FAT3: variants seen among roughly 807,000 people sequenced by gnomAD.
FAT3 encodes protocadherin Fat 3.
FAT3 carries 95 observed loss-of-function variants against 310.2 expected under a neutral mutation model. The ratio of observed to expected loss-of-function variants is 0.31; its 90% CI spans 0.26 to 0.36. The LOEUF (loss-of-function observed/expected upper bound fraction) is 0.36. FAT3 is among the 10% of genes least tolerant of loss of function. The pLI, the probability that FAT3 is intolerant of heterozygous loss-of-function variation, is 1.00. For synonymous variants in FAT3, 2,314 were observed against 2,192.9 expected (o/e 1.06, Z -1.54); for missense variants, 5,408 against 5,715.6 (o/e 0.95, Z 1.74).
At chr11:92,813,178 T>C (rs1423800150) in intron 13 of FAT3, among the ~76,000 whole-genome samples, 1 of 152,196 alleles carries the variant, frequency 6.6e-6, no homozygotes, top group Non-Finnish European at 1.5e-5. Flanking sequence ...GGTATATCTT[T>C]ATTAGCAGCA....
chr11:92,266,241 T>C (rs1318416722), intron 1 of FAT3, among the ~76,000 whole-genome samples: 3 of 152,170 alleles, frequency 2.0e-5, no homozygotes, highest in Non-Finnish European at 4.4e-5. Context: ...GAGCCATTCA[T>C]ATGGTTTATT....
At chr11:92,526,886 T>C (rs1953885307) in intron 3 of FAT3, among the ~76,000 whole-genome samples, 1 of 152,210 alleles carries the variant, frequency 6.6e-6, no homozygotes, top group Non-Finnish European at 1.5e-5. Flanking sequence ...AGACACATGA[T>C]AAGAAAATAC....
intron 2 of FAT3, among the ~76,000 whole-genome samples, chr11:92,418,419 A>ACCCCCC (rs1208826432): frequency 7.1e-4 from 28 of 39,532 alleles, no homozygotes; most frequent in South Asian, 1.5e-3. Context: ...AAAGTTAAAC[A>ACCCCCC]CCCCCCCCAC....
At chr11:92,822,066 T>C (rs1947982024) in intron 13 of FAT3, among the ~76,000 whole-genome samples, 1 of 152,222 alleles carries the variant, frequency 6.6e-6, no homozygotes, top group Non-Finnish European at 1.5e-5. Flanking sequence ...TAGAAGTTTT[T>C]GCCTTTGACA....
chr11:92,307,884 C>A (rs1330984445), intron 1 of FAT3, among the ~76,000 whole-genome samples: 1 of 152,088 alleles, frequency 6.6e-6, no homozygotes, highest in Non-Finnish European at 1.5e-5. Context: ...CCTTTAGTAC[C>A]ACATGGGAAT....
chr11:92,365,911 G>A (rs1949008056), intron 2 of FAT3, among the ~76,000 whole-genome samples: 1 of 152,134 alleles, frequency 6.6e-6, no homozygotes, highest in Non-Finnish European at 1.5e-5. Context: ...TTAGTGTTTT[G>A]GATTATTTAT....
intron 3 of FAT3, among the ~76,000 whole-genome samples, chr11:92,624,654 G>A (rs963094341): frequency 7.9e-5 from 12 of 152,202 alleles, no homozygotes; most frequent in African/African-American, 2.2e-4. Context: ...GATACAATCA[G>A]TGGGACCATA....
Position 92,230,547 on chromosome 11 carries a change from G to A in FAT3, c.-18+5373G>A, listed in dbSNP as rs540954597. 2.2e-4 allele frequency among the ~76,000 whole-genome samples: 33 copies of A among 152,256 alleles called. 1 individual carries two copies. In the South Asian group the frequency reaches 6.2e-3, roughly 29 times the overall value. ...GGCCTCAAGTGATCCACCCACCTCG[G>A]CCTCCCAAAGTGCTCGGATTAGAGG... On this transcript the variant is annotated intron_variant, in intron 1 of 27. Transcript: ENST00000525166.
At chr11:92,823,352 G>C (rs1468106742) in intron 13 of FAT3, among the ~76,000 whole-genome samples, 1 of 152,150 alleles carries the variant, frequency 6.6e-6, no homozygotes, top group Non-Finnish European at 1.5e-5. Flanking sequence ...CCAAGCCATA[G>C]ATAGTTGAAA....
chr11:92,887,083 T>A lies in FAT3; in HGVS notation c.13021T>A (p.Ser4341Thr), dbSNP rs758687629. The change falls in exon 25 of 28, where the codon TCC becomes ACC. Residue 4341 changes from serine to threonine, a missense_variant. Ser to Thr is a moderately conservative substitution (Grantham distance 58). Coordinates refer to ENST00000525166, the MANE Select transcript of FAT3 (RefSeq NM_001367949.2). ...GSNSEVQSLS[S>T]FQSDSGDDNA... Reference sequence around the variant, plus strand: ...CAACTCTGAAGTTCAGTCCCTCAGCTCCTTCCAGTCAGATTCTGGTGACGA... The same window carrying A: ...CAACTCTGAAGTTCAGTCCCTCAGCACCTTCCAGTCAGATTCTGGTGACGA... 26 of 1,611,462 alleles carry A rather than the reference T, an allele frequency of 1.6e-5. No individual in the cohort carries two copies. Among genetic ancestry groups the A allele is most frequent in the Non-Finnish European group, 2.2e-5 (26 of 1,179,090 alleles).
intron 1 of FAT3, among the ~76,000 whole-genome samples, chr11:92,227,436 C>T (rs116799059): frequency 0.01 from 1,548 of 152,292 alleles, 31 homozygotes; most frequent in African/African-American, 0.035. Flanking sequence ...ACGACTTTGC[C>T]TGGATCCAGG....
intron 2 of FAT3, among the ~76,000 whole-genome samples, chr11:92,439,284 A>G (rs1951016847): frequency 6.6e-6 from 1 of 152,174 alleles, no homozygotes; most frequent in Non-Finnish European, 1.5e-5. Flanking sequence ...CAGAGAATTG[A>G]GAATATTTTA....
At chr11:92,655,296 A>C (rs1169910369) in intron 3 of FAT3, among the ~76,000 whole-genome samples, 4 of 152,178 alleles carry the variant, frequency 2.6e-5, no homozygotes, top group African/African-American at 9.7e-5. Flanking sequence ...CAACAGGGTC[A>C]GTTTTGATAC....
intron 3 of FAT3, among the ~76,000 whole-genome samples, chr11:92,693,074 T>A (rs1191496378): frequency 6.6e-6 from 1 of 152,028 alleles, no homozygotes; most frequent in Non-Finnish European, 1.5e-5. Flanking sequence ...CAGAGAGAGG[T>A]CATTAGATTC....
At chr11:92,406,559 C>T (rs910418931) in intron 2 of FAT3, 5 of 152,174 alleles carry the variant, frequency 3.3e-5, no homozygotes, top group Admixed American at 1.3e-4. Context: ...AAGGTGTTCT[C>T]CTCTCCCTGA....
chr11:92,496,238 T>G (rs1952757821), intron 2 of FAT3, among the ~76,000 whole-genome samples: 1 of 151,966 alleles, frequency 6.6e-6, no homozygotes. Flanking sequence ...AATCGAGATT[T>G]TGCTCAATTC....
intron 2 of FAT3, among the ~76,000 whole-genome samples, chr11:92,504,575 G>C (rs182901987): frequency 3.3e-5 from 5 of 152,022 alleles, no homozygotes; most frequent in African/African-American, 9.6e-5. Flanking sequence ...CTCTTTAATT[G>C]CTTATGAATA....
In FAT3 at chr11:92,298,432, T is replaced by C. The variant is rs959293650; in HGVS notation, c.-17-53664T>C. Among the ~76,000 whole-genome samples the C allele has an allele frequency of 1.2e-4, 18 of 152,252 alleles. 1 individual carries two copies. Among genetic ancestry groups the C allele is most frequent in the Admixed American group, 9.2e-4 (14 of 15,280 alleles). ...TTCTTTCTCTTGATGGGTTTCTGGT[T>C]TCCCTATGTACAGTCACATCTCCTT... On this transcript the variant is annotated intron_variant, in intron 1 of 27. Coordinates refer to ENST00000525166, the MANE Select transcript of FAT3 (RefSeq NM_001367949.2).
intron 3 of FAT3, among the ~76,000 whole-genome samples, chr11:92,629,100 T>C (rs1941449862): frequency 6.6e-6 from 1 of 152,238 alleles, no homozygotes; most frequent in Non-Finnish European, 1.5e-5. Context: ...CTTTCTTATA[T>C]GAGATACCAA....
Sources: allele counts gnomAD v4.1 joint callset (sites outside exome capture counted in the v4.1 genomes callset), GRCh38; gene constraint gnomAD v4.1.1; transcripts MANE v1.5; gene names NCBI Gene and HGNC (gene_info 2026-07-23, HGNC 2026-07-21).